RAC2: variants seen among roughly 807,000 people sequenced by gnomAD.
The protein encoded by RAC2 is Rac family small GTPase 2.
Under a neutral mutation model 24.0 loss-of-function variants are expected in RAC2, and 1 was observed. The ratio of observed to expected loss-of-function variants is 0.04; its 90% confidence interval spans 0.01 to 0.20. The LOEUF (loss-of-function observed/expected upper bound fraction) is 0.20, where lower values mean the gene tolerates loss of function less well. Ranked by LOEUF, RAC2 falls within the 10% of genes least tolerant of loss-of-function variation. RAC2 has a pLI of 1.00. For missense variants in RAC2, 130 were observed against 259.1 expected (o/e 0.50, Z 3.42); for synonymous variants, 114 against 106.8 (o/e 1.07, Z -0.41).
chr22:37,233,873 T>C (rs1486333480), intron 2 of RAC2, among the ~76,000 whole-genome samples: 2 of 151,838 alleles, frequency 1.3e-5, no homozygotes, highest in African/African-American at 4.8e-5. Context: ...GGTGCTGTCA[T>C]TCATCTCCCA....
intron 2 of RAC2, among the ~76,000 whole-genome samples, chr22:37,240,314 G>A (rs1160265891): frequency 2.6e-5 from 4 of 152,364 alleles, no homozygotes; most frequent in East Asian, 3.9e-4. Flanking sequence ...GGGCCCCCGC[G>A]AGGTTCTGCA....
chr22:37,240,614 T>C (rs1056665692), intron 2 of RAC2, among the ~76,000 whole-genome samples: 1 of 152,186 alleles, frequency 6.6e-6, no homozygotes, highest in East Asian at 1.9e-4. Flanking sequence ...TGTCATACCA[T>C]GTAGAAGACA....
chr22:37,227,839 G>A (rs994522605), intron 5 of RAC2, among the ~76,000 whole-genome samples: 12 of 151,998 alleles, frequency 7.9e-5, no homozygotes, highest in Non-Finnish European at 1.0e-4. Flanking sequence ...CTGTAATAGC[G>A]AGCGTGAACT....
intron 2 of RAC2, among the ~76,000 whole-genome samples, chr22:37,235,203 CA>C (rs1242221136): frequency 6.6e-6 from 1 of 152,138 alleles, no homozygotes; most frequent in Non-Finnish European, 1.5e-5. Flanking sequence ...GAGTCCCCCA[CA>C]CCCCCAAAAA....
chr22:37,238,868 G>A (rs377506873), intron 2 of RAC2, among the ~76,000 whole-genome samples: 5 of 152,206 alleles, frequency 3.3e-5, no homozygotes, highest in Non-Finnish European at 7.3e-5. Context: ...TGTCAGTTCC[G>A]AAGGTTCAGG....
At chr22:37,233,351 C>T (rs1187189008) in intron 2 of RAC2, among the ~76,000 whole-genome samples, 2 of 152,176 alleles carry the variant, frequency 1.3e-5, no homozygotes, top group Non-Finnish European at 2.9e-5. Context: ...GGCACCATCT[C>T]GGCCCACTGC....
intron 5 of RAC2, among the ~76,000 whole-genome samples, chr22:37,228,301 C>T (rs971571196): frequency 2.0e-5 from 3 of 152,206 alleles, no homozygotes; most frequent in African/African-American, 7.2e-5. Context: ...ACATGAAGAC[C>T]CCTCAGGGCT....
chr22:37,234,969 G>A (rs536129454), intron 2 of RAC2, among the ~76,000 whole-genome samples: 143 of 152,292 alleles, frequency 9.4e-4, no homozygotes, highest in African/African-American at 3.3e-3. Context: ...CCTGGACCAC[G>A]AGCAGGCACT....
At chr22:37,232,291 G>A in intron 3 of RAC2, 2 of 514,042 alleles carry the variant, frequency 3.9e-6, no homozygotes, top group South Asian at 2.1e-5. Context: ...GCTTCCAGAG[G>A]TTAAAGAGTT....
chr22:37,243,539 G>A (rs114733204), intron 1 of RAC2, among the ~76,000 whole-genome samples: 2 of 152,296 alleles, frequency 1.3e-5, no homozygotes, highest in African/African-American at 4.8e-5. Context: ...TAGGCTGAGG[G>A]GAGGGGAGAG....
Position 37,241,393 on chromosome 22 carries a change from C to G in RAC2, c.107+194G>C, listed in dbSNP as rs546354146. Among the ~76,000 whole-genome samples, 3 of 152,344 alleles carry G rather than the reference C, an allele frequency of 2.0e-5. No individual in the cohort carries two copies. The East Asian group carries it at 5.8e-4, about 29-fold the overall frequency. ...TCTACCCCTTCCTCCATACCCCATC[C>G]CGGGTTCTGGGAGCCCCCAGCACCT... On this transcript the variant is annotated intron_variant, in intron 2 of 6. Transcript: ENST00000249071.
intron 5 of RAC2, among the ~76,000 whole-genome samples, chr22:37,227,835 T>C (rs1926931625): frequency 6.6e-6 from 1 of 151,966 alleles, no homozygotes; most frequent in Non-Finnish European, 1.5e-5. Flanking sequence ...ATGTCTGTAA[T>C]AGCGAGCGTG....
intron 5 of RAC2, among the ~76,000 whole-genome samples, chr22:37,229,133 G>A (rs1440668171): frequency 2.0e-5 from 3 of 152,222 alleles, no homozygotes; most frequent in African/African-American, 7.2e-5. Context: ...TCCTGAGCTG[G>A]GGGGCCAGGG....
In RAC2 at chr22:37,232,007, C is replaced by G; in HGVS notation, c.226-13G>C. ...TGAGGAAGACGTCCTGGGGACAGAG[C>G]AAGCGAGGTTGCTAGTGAGGAGGGC... On this transcript the variant is annotated splice_polypyrimidine_tract_variant and intron_variant, in intron 3 of 6. Transcript: ENST00000249071. The G allele has an allele frequency of 6.6e-7, 1 of 1,521,344 alleles. No homozygotes were observed. The highest frequency in any genetic ancestry group is 8.8e-7 in the Non-Finnish European group (1 of 1,136,670). 94.2% of individuals were successfully genotyped at this position (1,521,344 alleles called of 1,614,324 possible).
At chr22:37,233,527 C>T (rs55668512) in intron 2 of RAC2, among the ~76,000 whole-genome samples, 3,609 of 152,320 alleles carry the variant, frequency 0.024, 86 homozygotes, top group African/African-American at 0.058. Context: ...AAGTGATCCG[C>T]CCGCCTCGGC....
At chr22:37,243,967 G>T in intron 1 of RAC2, 147 bp downstream of exon 1, 1 of 1,092,610 alleles carries the variant, frequency 9.2e-7, no homozygotes, top group Non-Finnish European at 1.4e-6. Flanking sequence ...CTCCCTGTGG[G>T]CCCTCGGAGA....
intron 1 of RAC2, among the ~76,000 whole-genome samples, chr22:37,242,333 C>G (rs1927424228): frequency 6.6e-6 from 1 of 152,208 alleles, no homozygotes; most frequent in Admixed American, 6.5e-5. Flanking sequence ...AATTACTTAG[C>G]TTCCCTGAAC....
intron 2 of RAC2, among the ~76,000 whole-genome samples, chr22:37,240,307 C>T (rs376481363): frequency 1.3e-5 from 2 of 152,214 alleles, no homozygotes; most frequent in African/African-American, 4.8e-5. Context: ...GAAATGAGGG[C>T]CCCCGCGAGG....
Position 37,231,645 on chromosome 22 carries a change from C to G in RAC2, c.289-255G>C. ...CGAGGTTTTGTGCAGACATAAGAAG[C>G]AAACATGAGGTTATGTGACAATCGG... On this transcript the variant is annotated intron_variant, in intron 4 of 6. Transcript: ENST00000249071. This position sits in a 1 kb window ranked among gnomAD's most constrained non-coding sequence, Gnocchi z 5.5. The G allele has an allele frequency of 3.3e-6, 2 of 604,314 alleles. No individual in the cohort carries two copies. The highest frequency in any genetic ancestry group is 2.0e-5 in the South Asian group (1 of 50,730). The allele number at this position is 604,314 out of a possible 1,614,324, so 37.4% of individuals were successfully genotyped here.
Sources: gnomAD v4.1 joint callset for allele counts (sites outside exome capture counted in the v4.1 genomes callset) on GRCh38, gnomAD v4.1.1 for gene constraint, Gnocchi (gnomAD v3.1) non-coding constraint, MANE v1.5 for transcripts, NCBI Gene and HGNC (gene_info 2026-07-23, HGNC 2026-07-21) for gene names.